Variants in SBF2 observed in about 807,000 individuals in gnomAD.
SBF2 encodes the protein SET binding factor 2.
Under a neutral mutation model 225.2 loss-of-function variants are expected in SBF2, and 112 were observed. The observed-to-expected ratio is 0.50, with a 90% CI of 0.43 to 0.58. The LOEUF (loss-of-function observed/expected upper bound fraction) is 0.58. Ranked by LOEUF, SBF2 falls within the 20% of genes least tolerant of loss-of-function variation. The pLI, the probability that SBF2 is intolerant of heterozygous loss-of-function variation, is 0.00. For missense variants in SBF2, 1,996 were observed against 2,206.2 expected, an observed-to-expected ratio of 0.90 and a Z score of 1.91; for synonymous variants, 763 against 773.3, an observed-to-expected ratio of 0.99 and a Z score of 0.22.
intron 2 of SBF2, among the ~76,000 whole-genome samples, chr11:10,113,141 ACAC>A (rs952652027): frequency 3.3e-5 from 5 of 152,072 alleles, no homozygotes; most frequent in East Asian, 1.9e-4. Flanking sequence ...CCAGAGGTGC[ACAC>A]CACCACATCT....
intron 1 of SBF2, among the ~76,000 whole-genome samples, chr11:10,206,389 T>C (rs1251283706): frequency 6.6e-6 from 1 of 151,998 alleles, no homozygotes; most frequent in Non-Finnish European, 1.5e-5. Flanking sequence ...AATTAGACTA[T>C]GGTCTACATG....
chr11:9,784,914 T>C, intron 37 of SBF2: 1 of 600,602 alleles, frequency 1.7e-6, no homozygotes, highest in African/African-American at 1.8e-5. Context: ...CAACTACAAA[T>C]AACTACAACC....
intron 1 of SBF2, among the ~76,000 whole-genome samples, chr11:10,216,409 G>C (rs769117367): frequency 1.1e-4 from 17 of 152,198 alleles, no homozygotes; most frequent in Non-Finnish European, 2.5e-4. Flanking sequence ...GATAGCGATA[G>C]CTTCTCAGCT....
intron 2 of SBF2, among the ~76,000 whole-genome samples, chr11:10,135,061 T>C (rs1400594682): frequency 2.6e-5 from 4 of 152,222 alleles, no homozygotes; most frequent in Admixed American, 2.6e-4. Flanking sequence ...TTCTGAAACC[T>C]AGGTGGAGGT....
At chr11:10,228,699 A>T (rs1177670765) in intron 1 of SBF2, among the ~76,000 whole-genome samples, 2 of 152,076 alleles carry the variant, frequency 1.3e-5, no homozygotes, top group South Asian at 2.1e-4. Context: ...AAGCTTTTTG[A>T]TGTGCTGCTG....
chr11:9,792,324 G>C (rs969359577), intron 33 of SBF2, among the ~76,000 whole-genome samples: 40 of 151,802 alleles, frequency 2.6e-4, no homozygotes, highest in Non-Finnish European at 1.3e-4. Context: ...CCAGCTACTC[G>C]GGAGGCTGAG....
chr11:10,196,574 TCG>T (rs1404808942), intron 1 of SBF2, among the ~76,000 whole-genome samples: 1 of 151,790 alleles, frequency 6.6e-6, no homozygotes, highest in Non-Finnish European at 1.5e-5. Flanking sequence ...AGACCGGGTT[TCG>T]CCACATTGCC....
At chr11:10,062,161 C>T (rs934664443) in intron 2 of SBF2, among the ~76,000 whole-genome samples, 1 of 152,202 alleles carries the variant, frequency 6.6e-6, no homozygotes, top group East Asian at 1.9e-4. Context: ...AGCTGGACCC[C>T]TTCCTCACAC....
At chr11:9,885,261 A>AAC (rs1860176241) in intron 17 of SBF2, among the ~76,000 whole-genome samples, 1 of 149,510 alleles carries the variant, frequency 6.7e-6, no homozygotes, top group African/African-American at 2.4e-5. Context: ...CAAAAAAAAA[A>AAC]AAAAAAAAAA....
intron 1 of SBF2, among the ~76,000 whole-genome samples, chr11:10,217,689 A>T (rs1257486177): frequency 1.3e-5 from 2 of 152,160 alleles, no homozygotes; most frequent in Non-Finnish European, 2.9e-5. Context: ...ATGAGAGAAA[A>T]AACTCTAAGC....
chr11:9,959,310 T>C (rs1590609650), intron 16 of SBF2: 1 of 775,540 alleles, frequency 1.3e-6, no homozygotes, highest in Non-Finnish European at 2.4e-6. Context: ...TTTTGTCTGC[T>C]CACATACTAC....
chr11:9,920,519 ATATACT>A (rs1330902017), intron 16 of SBF2, among the ~76,000 whole-genome samples: 1 of 152,208 alleles, frequency 6.6e-6, no homozygotes, highest in African/African-American at 2.4e-5. Flanking sequence ...CTTTCAGAAC[ATATACT>A]TAAAGGAATT....
At position 9,781,492 on chromosome 11, in the gene SBF2, G is replaced by A. The variant is rs1852003419; in HGVS notation, c.5451+15C>T. On this transcript the variant is annotated intron_variant, in intron 39 of 39. Coordinates refer to ENST00000256190, the MANE Select transcript of SBF2 (RefSeq NM_030962.4). ...TGCAGACAGAGCCAGGAAAAGAGAA[G>A]TAAGATCAACTTACATCAAAGAAAG... 1 of 1,614,132 alleles carries A rather than the reference G, an allele frequency of 6.2e-7. No individual in the cohort carries two copies. The highest frequency in any genetic ancestry group is 2.2e-5 in the East Asian group (1 of 44,882).
intron 2 of SBF2, among the ~76,000 whole-genome samples, chr11:10,099,936 C>T (rs974358259): frequency 6.6e-6 from 1 of 151,868 alleles, no homozygotes; most frequent in African/African-American, 2.4e-5. Flanking sequence ...AAGAAAGAAT[C>T]AAAGGACCTA....
intron 24 of SBF2, among the ~76,000 whole-genome samples, chr11:9,843,307 T>C (rs746060525): frequency 4.4e-4 from 67 of 152,234 alleles, no homozygotes; most frequent in Non-Finnish European, 9.0e-4. Flanking sequence ...TGACTCTAAT[T>C]AGCTGTAAAC....
intron 2 of SBF2, among the ~76,000 whole-genome samples, chr11:10,084,534 G>A (rs889696722): frequency 6.6e-6 from 1 of 152,052 alleles, no homozygotes; most frequent in African/African-American, 2.4e-5. Flanking sequence ...ATATCTCAAA[G>A]AACTAAAAAT....
intron 2 of SBF2, among the ~76,000 whole-genome samples, chr11:10,085,339 A>G (rs1272065014): frequency 6.6e-6 from 1 of 152,012 alleles, no homozygotes; most frequent in Non-Finnish European, 1.5e-5. Context: ...AGCTGTGGTA[A>G]ATTAAATTGT....
intron 6 of SBF2, among the ~76,000 whole-genome samples, chr11:10,008,223 T>C (rs1185376586): frequency 2.0e-5 from 3 of 152,110 alleles, no homozygotes; most frequent in Non-Finnish European, 2.9e-5. Flanking sequence ...TATAATACAA[T>C]GGCCTTAATA....
At chr11:9,911,054 T>G (rs376133837) in intron 16 of SBF2, among the ~76,000 whole-genome samples, 1 of 140,942 alleles carries the variant, frequency 7.1e-6, no homozygotes, top group East Asian at 2.2e-4. Flanking sequence ...CAAGACTCCA[T>G]CTCAAAAAAA....
Sources: allele counts gnomAD v4.1 joint callset (sites outside exome capture counted in the v4.1 genomes callset), GRCh38; gene constraint gnomAD v4.1.1; transcripts MANE v1.5; gene names NCBI Gene and HGNC (gene_info 2026-07-23, HGNC 2026-07-21).